Variants in TDRD9 observed in about 807,000 individuals in gnomAD.
TDRD9 encodes tudor domain containing 9.
A neutral mutation model predicts 172.6 loss-of-function variants in TDRD9; 124 were observed. That is an observed-to-expected ratio of 0.72 (90% CI 0.62 to 0.83). The LOEUF is 0.83. Ranked by LOEUF, TDRD9 falls within the 40% of genes least tolerant of loss-of-function variation. The pLI, the probability that TDRD9 is intolerant of heterozygous loss-of-function variation, is 0.00. For missense variants in TDRD9, 1,479 were observed against 1,714.1 expected (o/e 0.86, Z 2.42); for synonymous variants, 619 against 617.1 (o/e 1.00, Z -0.05).
chr14:104,032,881 T>A (rs1316222855), intron 30 of TDRD9, among the ~76,000 whole-genome samples: 1 of 152,114 alleles, frequency 6.6e-6, no homozygotes, highest in African/African-American at 2.4e-5. Context: ...CCTTGAAAGA[T>A]CATGGAGCTT....
intron 11 of TDRD9, 87 bp downstream of exon 11, chr14:103,994,690 G>T: frequency 1.8e-6 from 2 of 1,107,024 alleles, no homozygotes. Context: ...TCTGGGTGTC[G>T]TGGCTCATGC....
At chr14:104,010,901 G>A (rs1163230029) in intron 20 of TDRD9, among the ~76,000 whole-genome samples, 1 of 152,116 alleles carries the variant, frequency 6.6e-6, no homozygotes, top group Non-Finnish European at 1.5e-5. Context: ...CATATAAGTG[G>A]GCCCTCGCTG....
intron 28 of TDRD9, among the ~76,000 whole-genome samples, chr14:104,027,776 C>T (rs1474068517): frequency 3.3e-5 from 5 of 152,196 alleles, no homozygotes; most frequent in African/African-American, 7.2e-5. Context: ...CCCCACAGTG[C>T]TGCAGAACGC....
intron 34 of TDRD9, among the ~76,000 whole-genome samples, chr14:104,044,034 C>G (rs1403990816): frequency 1.3e-5 from 2 of 152,138 alleles, no homozygotes; most frequent in African/African-American, 2.4e-5. Context: ...CATACGGTAC[C>G]TGGTCAATCC....
intron 34 of TDRD9, among the ~76,000 whole-genome samples, chr14:104,045,364 A>G (rs2035739654): frequency 7.2e-6 from 1 of 139,706 alleles, no homozygotes; most frequent in Admixed American, 7.2e-5. Context: ...GCAACTTTTT[A>G]TATTCCTCTT....
At chr14:103,962,979 T>TGG (rs1382625636) in intron 2 of TDRD9, 100 bp from the exon 3 acceptor site, 1 of 640,720 alleles carries the variant, frequency 1.6e-6, no homozygotes, top group Admixed American at 3.0e-5. Flanking sequence ...TGTGTGTGTG[T>TGG]GTGTGTGTGT....
chr14:103,992,309 T>C (rs2033898253), intron 9 of TDRD9, among the ~76,000 whole-genome samples: 1 of 152,184 alleles, frequency 6.6e-6, no homozygotes, highest in Non-Finnish European at 1.5e-5. Context: ...GTTCTTAAAA[T>C]AATGGAGAAT....
At chr14:103,990,464 C>A (rs1429268301) in intron 8 of TDRD9, among the ~76,000 whole-genome samples, 1 of 152,246 alleles carries the variant, frequency 6.6e-6, no homozygotes, top group African/African-American at 2.4e-5. Context: ...CAGAGAGGCC[C>A]TTCCCAGCCA....
At chr14:104,035,307 TA>T in intron 32 of TDRD9, among the ~76,000 whole-genome samples, 1 of 152,086 alleles carries the variant, frequency 6.6e-6, no homozygotes, top group African/African-American at 2.4e-5. Flanking sequence ...AGGGGTAAAA[TA>T]AATTAAAAAT....
intron 9 of TDRD9, among the ~76,000 whole-genome samples, chr14:103,993,734 C>G (rs557478680): frequency 2.0e-5 from 3 of 152,316 alleles, no homozygotes; most frequent in South Asian, 4.1e-4. Context: ...AGGGCTCACC[C>G]CATTCCAGTA....
intron 28 of TDRD9, among the ~76,000 whole-genome samples, chr14:104,028,058 T>G (rs562093851): frequency 4.6e-5 from 7 of 152,338 alleles, no homozygotes; most frequent in African/African-American, 1.7e-4. Context: ...TGGTATTTTA[T>G]TCTGTATATA....
At chr14:103,964,766 G>C (rs57050909) in intron 3 of TDRD9, among the ~76,000 whole-genome samples, 1 of 152,062 alleles carries the variant, frequency 6.6e-6, no homozygotes, top group Non-Finnish European at 1.5e-5. Flanking sequence ...CTCGTGATCC[G>C]CCCGCCTTGG....
At chr14:104,051,015 T>C (rs968388501) in intron 35 of TDRD9, among the ~76,000 whole-genome samples, 2 of 152,204 alleles carry the variant, frequency 1.3e-5, no homozygotes, top group Non-Finnish European at 2.9e-5. Context: ...CAGCTTTTGT[T>C]ACTTGGGTAG....
intron 1 of TDRD9, among the ~76,000 whole-genome samples, chr14:103,934,031 ACT>A (rs150451488): frequency 0.023 from 3,477 of 149,456 alleles, 77 homozygotes; most frequent in East Asian, 0.072. Context: ...CACAAAATCC[ACT>A]TTTTTTTTTT....
chr14:103,985,553 T>G (rs2033630597), intron 7 of TDRD9, among the ~76,000 whole-genome samples: 1 of 152,160 alleles, frequency 6.6e-6, no homozygotes, highest in Admixed American at 6.6e-5. Context: ...ACAGCCTGAC[T>G]TGGGGAGTTT....
chr14:104,009,745 C>T (rs924231457), intron 20 of TDRD9, among the ~76,000 whole-genome samples: 1 of 151,994 alleles, frequency 6.6e-6, no homozygotes, highest in Non-Finnish European at 1.5e-5. Flanking sequence ...TATCCTTATT[C>T]TATAAGTTTT....
At chr14:103,932,848 A>G (rs552010650) in intron 1 of TDRD9, among the ~76,000 whole-genome samples, 3 of 152,326 alleles carry the variant, frequency 2.0e-5, no homozygotes, top group African/African-American at 7.2e-5. Flanking sequence ...AAATCAGCAG[A>G]AGAACATGGG....
chr14:103,929,239 G>T (rs2030201513), intron 1 of TDRD9, among the ~76,000 whole-genome samples: 1 of 151,286 alleles, frequency 6.6e-6, no homozygotes, highest in Admixed American at 6.6e-5. Flanking sequence ...CGGCCCCACT[G>T]TTCCTGCCTC....
intron 32 of TDRD9, among the ~76,000 whole-genome samples, chr14:104,037,668 C>A (rs1409864067): frequency 6.6e-6 from 1 of 152,194 alleles, no homozygotes. Flanking sequence ...TCTTTGCCAA[C>A]TGGCTGTGGA....
Sources: gnomAD v4.1 joint callset for allele counts (sites outside exome capture counted in the v4.1 genomes callset) on GRCh38, gnomAD v4.1.1 for gene constraint, MANE v1.5 for transcripts, NCBI Gene and HGNC (gene_info 2026-07-23, HGNC 2026-07-21) for gene names.